DOCK3: variants seen among roughly 807,000 people sequenced by gnomAD.
DOCK3 encodes the protein dedicator of cytokinesis 3, also known as dedicator of cytokinesis protein 3.
In DOCK3, 60 loss-of-function variants were observed where a neutral mutation model predicts 265.6. The observed-to-expected ratio is 0.23, with a 90% CI of 0.18 to 0.28. DOCK3 has a LOEUF of 0.28. DOCK3 is among the 10% of genes least tolerant of loss of function. DOCK3 has a pLI of 1.00. For synonymous variants in DOCK3, 881 were observed against 938.0 expected, an observed-to-expected ratio of 0.94 and a Z score of 1.11; for missense variants, 1,981 against 2,594.3, an observed-to-expected ratio of 0.76 and a Z score of 5.14.
intron 32 of DOCK3, among the ~76,000 whole-genome samples, chr3:51,319,416 C>A (rs77755628): frequency 6.8e-6 from 1 of 147,560 alleles, no homozygotes; most frequent in African/African-American, 2.5e-5. Flanking sequence ...AAAAAAAACC[C>A]AGTTACCAAG....
chr3:51,275,181 T>A lies in DOCK3; in HGVS notation c.2651T>A (p.Phe884Tyr). Residue 884 changes from phenylalanine to tyrosine, a missense_variant, in exon 25 of 53, where the codon TTC (phenylalanine) becomes TAC (tyrosine). This residue lies in a region of DOCK3 where 1,357 missense variants were observed against 1,866.8 expected (regional missense o/e 0.73). Transcript: ENST00000266037. ...LICSGILGSI[F>Y]SIVKTSSLEA... ...TGCTCAGGGATTCTTGGCAGCATCT[T>A]CTCCATCGTCAAGACCAGCTCTCTG... 1 of 1,613,954 alleles carries A rather than the reference T, an allele frequency of 6.2e-7. No homozygotes were observed. Among genetic ancestry groups the A allele is most frequent in the Non-Finnish European group, 8.5e-7 (1 of 1,179,878 alleles).
chr3:51,000,778 G>A (rs1184219706), intron 5 of DOCK3, among the ~76,000 whole-genome samples: 5 of 151,980 alleles, frequency 3.3e-5, no homozygotes, highest in Admixed American at 6.6e-5. Flanking sequence ...TCAGCCTCCC[G>A]AGTAGCTGGG....
At chr3:51,051,766 C>T (rs1559992381) in intron 5 of DOCK3, among the ~76,000 whole-genome samples, 2 of 152,056 alleles carry the variant, frequency 1.3e-5, no homozygotes, top group Non-Finnish European at 1.5e-5. Context: ...ACAAGCAAGG[C>T]CTTGTATTTT....
intron 5 of DOCK3, among the ~76,000 whole-genome samples, chr3:50,984,385 C>G (rs577167815): frequency 6.6e-6 from 1 of 152,332 alleles, no homozygotes; most frequent in East Asian, 1.9e-4. Context: ...ATGCAGGACT[C>G]TCCTAAGCCA....
chr3:50,806,191 G>A (rs2043403693), intron 2 of DOCK3, among the ~76,000 whole-genome samples: 1 of 152,080 alleles, frequency 6.6e-6, no homozygotes, highest in South Asian at 2.1e-4. Flanking sequence ...GGTGTGGTGT[G>A]TCTGCCAGGG....
At chr3:50,816,863 G>A (rs986632154) in intron 2 of DOCK3, among the ~76,000 whole-genome samples, 23 of 152,088 alleles carry the variant, frequency 1.5e-4, no homozygotes, top group African/African-American at 5.1e-4. Flanking sequence ...GTGCAGTGGC[G>A]TGATCACAGC....
At chr3:50,825,286 G>T (rs531473464) in intron 2 of DOCK3, among the ~76,000 whole-genome samples, 22 of 152,310 alleles carry the variant, frequency 1.4e-4, no homozygotes, top group African/African-American at 5.3e-4. Context: ...AATTGGCAAG[G>T]CATTGAAAGA....
rs369691330 is a variant in DOCK3, at chr3:51,348,899, C to T, written c.3963C>T (p.Tyr1321=). The T allele has an allele frequency of 3.3e-5, 53 of 1,584,424 alleles. No homozygotes were observed. Among genetic ancestry groups the T allele is most frequent in the Middle Eastern group, 1.7e-4 (1 of 5,992 alleles). Residue 1321 remains tyrosine (Y), a synonymous_variant, in exon 39 of 53, where the codon TAC becomes TAT. Transcript: ENST00000266037. ...TGTGCAGGGAGCTGGCGTGTCAGTA[C>T]GAGAGCCTCTATGATTACCAGAGCC... is the stretch of plus-strand genomic sequence containing the variant. ...IPLCRELACQ[Y]ESLYDYQSLS... is the part of the protein sequence containing the mutation.
intron 5 of DOCK3, among the ~76,000 whole-genome samples, chr3:50,965,002 AGATAT>A (rs2076989080): frequency 6.6e-6 from 1 of 152,136 alleles, no homozygotes; most frequent in South Asian, 2.1e-4. Flanking sequence ...AAGATGTTTT[AGATAT>A]AAACTAAGCT....
intron 10 of DOCK3, among the ~76,000 whole-genome samples, chr3:51,147,007 G>A (rs1010751864): frequency 1.9e-4 from 29 of 152,110 alleles, no homozygotes; most frequent in African/African-American, 6.0e-4. Context: ...CAGCTACTTG[G>A]GGATGTGAGG....
At chr3:51,166,175 C>T (rs937968851) in intron 12 of DOCK3, among the ~76,000 whole-genome samples, 2 of 151,652 alleles carry the variant, frequency 1.3e-5, no homozygotes, top group South Asian at 2.1e-4. Context: ...CTCAGCCTCC[C>T]GAGTAGCTGG....
chr3:50,694,102 C>T (rs2035447739), intron 1 of DOCK3, among the ~76,000 whole-genome samples: 1 of 151,670 alleles, frequency 6.6e-6, no homozygotes, highest in Non-Finnish European at 1.5e-5. Context: ...AACCCTGTCT[C>T]TACTAAAAAT....
chr3:51,178,402 AT>A (rs2087089393), intron 12 of DOCK3, among the ~76,000 whole-genome samples: 1 of 152,192 alleles, frequency 6.6e-6, no homozygotes, highest in Non-Finnish European at 1.5e-5. Flanking sequence ...CCAGCCCCTG[AT>A]TTCCTGATCT....
At chr3:51,103,724 T>A (rs2083169779) in intron 9 of DOCK3, among the ~76,000 whole-genome samples, 1 of 152,232 alleles carries the variant, frequency 6.6e-6, no homozygotes, top group African/African-American at 2.4e-5. Context: ...ATCTATTGCC[T>A]TATGTGTACA....
chr3:51,042,665 A>C (rs2080582243), intron 5 of DOCK3, among the ~76,000 whole-genome samples: 1 of 152,228 alleles, frequency 6.6e-6, no homozygotes, highest in African/African-American at 2.4e-5. Flanking sequence ...TCCTGTTTGC[A>C]GATGACATGA....
intron 1 of DOCK3, among the ~76,000 whole-genome samples, chr3:50,683,295 T>G (rs1416848200): frequency 6.6e-6 from 1 of 152,228 alleles, no homozygotes; most frequent in African/African-American, 2.4e-5. Context: ...AACACTGTAT[T>G]TAGCTCATGA....
chr3:50,984,208 G>A (rs778808411), intron 5 of DOCK3, among the ~76,000 whole-genome samples: 9 of 152,216 alleles, frequency 5.9e-5, no homozygotes, highest in Non-Finnish European at 1.3e-4. Context: ...AGCAAAACTC[G>A]AGCAAAGGTG....
At chr3:51,008,771 TA>T (rs1338565914) in intron 5 of DOCK3, among the ~76,000 whole-genome samples, 1 of 152,236 alleles carries the variant, frequency 6.6e-6, no homozygotes, top group Non-Finnish European at 1.5e-5. Context: ...AAATAGCTCT[TA>T]TTATTTTGAG....
intron 7 of DOCK3, 56 bp downstream of exon 7, chr3:51,075,496 G>C: frequency 7.1e-7 from 1 of 1,401,838 alleles, no homozygotes; most frequent in Middle Eastern, 1.9e-4. Context: ...TTTCTCTTTT[G>C]TTTATTTTCT....
Sources: allele counts gnomAD v4.1 joint callset (sites outside exome capture counted in the v4.1 genomes callset), GRCh38; gene constraint gnomAD v4.1.1; regional missense constraint gnomAD v4.1.1; transcripts MANE v1.5; gene names NCBI Gene and HGNC (gene_info 2026-07-23, HGNC 2026-07-21).